PRKN: variants seen among roughly 807,000 people sequenced by gnomAD.
PRKN encodes the protein parkin RBR E3 ubiquitin protein ligase, also known as E3 ubiquitin-protein ligase parkin.
PRKN carries 56 observed loss-of-function variants against 59.5 expected under a neutral mutation model. That is an observed-to-expected ratio of 0.94 (90% CI 0.76 to 1.18). The LOEUF is 1.18. PRKN is among the 50% of genes most tolerant of loss of function. PRKN has a pLI of 0.00. For missense variants in PRKN, 657 were observed against 596.4 expected, an observed-to-expected ratio of 1.10 and a Z score of -1.06; for synonymous variants, 250 against 222.1, an observed-to-expected ratio of 1.13 and a Z score of -1.12.
chr6:161,764,299 T>A (rs1459434960), intron 7 of PRKN, among the ~76,000 whole-genome samples: 1 of 152,242 alleles, frequency 6.6e-6, no homozygotes, highest in African/African-American at 2.4e-5. Context: ...GAAGCTTATC[T>A]ATTCTGCAAA....
chr6:161,436,259 G>GA (rs1482345804), intron 9 of PRKN, among the ~76,000 whole-genome samples: 1 of 108,914 alleles, frequency 9.2e-6, no homozygotes, highest in Admixed American at 9.0e-5. Context: ...AGATGTGAGG[G>GA]CAGAGAGCAG....
intron 1 of PRKN, among the ~76,000 whole-genome samples, chr6:162,703,576 A>G (rs2128237232): frequency 6.6e-6 from 1 of 152,274 alleles, no homozygotes; most frequent in Non-Finnish European, 1.5e-5. Context: ...CCAGCTGCCT[A>G]GCTTGAGTGT....
At chr6:161,850,052 C>T (rs1373698639) in intron 6 of PRKN, among the ~76,000 whole-genome samples, 3 of 152,110 alleles carry the variant, frequency 2.0e-5, no homozygotes, top group African/African-American at 4.8e-5. Flanking sequence ...CGGTCACCCT[C>T]CTTCCCTCAT....
chr6:162,075,687 A>C (rs1778792673), intron 4 of PRKN, among the ~76,000 whole-genome samples: 1 of 152,064 alleles, frequency 6.6e-6, no homozygotes, highest in African/African-American at 2.4e-5. Context: ...GTATCACTGA[A>C]GTAAGAAGCT....
chr6:162,144,207 A>G (rs1382333187), intron 4 of PRKN, among the ~76,000 whole-genome samples: 2 of 152,166 alleles, frequency 1.3e-5, no homozygotes, highest in Non-Finnish European at 2.9e-5. Flanking sequence ...CTTGGAGAGA[A>G]CTTTAAAGGC....
chr6:162,564,577 G>A (rs759194020), intron 1 of PRKN, among the ~76,000 whole-genome samples: 1 of 152,158 alleles, frequency 6.6e-6, no homozygotes, highest in Non-Finnish European at 1.5e-5. Context: ...AAAGGTCAAG[G>A]ATAAAGAAAG....
At chr6:162,725,617 G>C (rs1779126214) in intron 1 of PRKN, among the ~76,000 whole-genome samples, 1 of 151,946 alleles carries the variant, frequency 6.6e-6, no homozygotes, top group Admixed American at 6.6e-5. Flanking sequence ...ACAAAAAATT[G>C]GCAGGCATGG....
At position 162,262,657 on chromosome 6, in the gene PRKN, C is replaced by T. The variant is rs770930242; in HGVS notation, c.280G>A (p.Gly94Ser). The T allele has an allele frequency of 6.8e-6, 11 of 1,613,636 alleles. No individual in the cohort carries two copies. The highest frequency in any genetic ancestry group is 5.0e-5 in the Admixed American group (3 of 59,982). The change falls in exon 3 of 12, where the codon GGC (glycine) becomes AGC (serine). Residue 94 changes from glycine to serine, a missense_variant. Physicochemically the swap from Gly to Ser is moderately conservative, Grantham distance 56 (BLOSUM62 0). Transcript: ENST00000366898. ...GGDDPRNAAG[G>S]CEREPQSLTR... The stretch of plus-strand genomic sequence containing the variant: ...AAGCTCTGGGGCTCCCGCTCACAGC[C>T]TCCCGCCGCGTTTCTGGGGTCGTCG...
At chr6:162,245,697 C>CT (rs1283040442) in intron 3 of PRKN, among the ~76,000 whole-genome samples, 1 of 152,076 alleles carries the variant, frequency 6.6e-6, no homozygotes, top group Non-Finnish European at 1.5e-5. Flanking sequence ...GGGTTCTCCA[C>CT]TTTTTCCCCT....
intron 3 of PRKN, among the ~76,000 whole-genome samples, chr6:162,213,230 T>C (rs1057509464): frequency 2.0e-5 from 3 of 152,118 alleles, no homozygotes; most frequent in African/African-American, 4.8e-5. Flanking sequence ...CAAGATGCCA[T>C]CTATCAATAA....
Position 162,534,838 on chromosome 6 carries a change from A to G in PRKN, c.8-91365T>C, listed in dbSNP as rs201055615. 2.2e-4 allele frequency among the ~76,000 whole-genome samples: 34 copies of G among 152,144 alleles called. No homozygotes were observed. The East Asian group carries it at 4.5e-3, about 20-fold the overall frequency. Reference sequence around the variant, plus strand: ...CTGCCTGTGCACTTTCCGCTTCCCAAATGAGGACAGAGAGCACTCCTGCCA... The same window carrying G: ...CTGCCTGTGCACTTTCCGCTTCCCAGATGAGGACAGAGAGCACTCCTGCCA... On this transcript the variant is annotated intron_variant, in intron 1 of 11. Coordinates refer to ENST00000366898, the MANE Select transcript of PRKN (RefSeq NM_004562.3).
chr6:162,558,765 T>C (rs1157261902), intron 1 of PRKN, among the ~76,000 whole-genome samples: 1 of 151,966 alleles, frequency 6.6e-6, no homozygotes, highest in Non-Finnish European at 1.5e-5. Context: ...CAGCCTCCTC[T>C]GTACCTGGGA....
chr6:162,369,917 G>A (rs540763591), intron 2 of PRKN, among the ~76,000 whole-genome samples: 57 of 152,222 alleles, frequency 3.7e-4, no homozygotes, highest in South Asian at 1.2e-3. Context: ...AAGCATCCTC[G>A]TCATGGGGTC....
chr6:161,605,916 C>A (rs1424039362), intron 7 of PRKN, among the ~76,000 whole-genome samples: 2 of 152,090 alleles, frequency 1.3e-5, no homozygotes, highest in African/African-American at 4.8e-5. Context: ...AAAATAGGGG[C>A]TCTACAGCAA....
chr6:161,654,835 C>T (rs566731880), intron 7 of PRKN, among the ~76,000 whole-genome samples: 1 of 152,290 alleles, frequency 6.6e-6, no homozygotes, highest in Admixed American at 6.5e-5. Context: ...TACCACGCCC[C>T]CTGGGAGGGA....
chr6:162,037,836 C>G (rs1783908541), intron 5 of PRKN, among the ~76,000 whole-genome samples: 1 of 152,106 alleles, frequency 6.6e-6, no homozygotes, highest in Admixed American at 6.6e-5. Context: ...TGAGCCACTA[C>G]ATCCGGCCTT....
chr6:162,603,806 G>C (rs1291715645), intron 1 of PRKN, among the ~76,000 whole-genome samples: 2 of 152,076 alleles, frequency 1.3e-5, no homozygotes, highest in Non-Finnish European at 2.9e-5. Context: ...AGATGGGAAG[G>C]GCTGTCACAT....
intron 6 of PRKN, among the ~76,000 whole-genome samples, chr6:161,845,255 C>G (rs1793152589): frequency 6.6e-6 from 1 of 152,162 alleles, no homozygotes; most frequent in African/African-American, 2.4e-5. Flanking sequence ...TGGCCAGTAG[C>G]CTCTAGGCTG....
intron 7 of PRKN, among the ~76,000 whole-genome samples, chr6:161,662,771 A>C (rs1784592974): frequency 6.6e-6 from 1 of 152,198 alleles, no homozygotes; most frequent in South Asian, 2.1e-4. Context: ...GGTAATACAG[A>C]GTACAGGCTG....
Sources: gnomAD v4.1 joint callset for allele counts (sites outside exome capture counted in the v4.1 genomes callset) on GRCh38, gnomAD v4.1.1 for gene constraint, MANE v1.5 for transcripts, NCBI Gene and HGNC (gene_info 2026-07-23, HGNC 2026-07-21) for gene names.